Variants in ANKDD1A observed in about 807,000 individuals in gnomAD.
ANKDD1A encodes ankyrin repeat and death domain-containing protein 1A.
ANKDD1A carries 59 observed loss-of-function variants against 63.5 expected under a neutral mutation model. That is an observed-to-expected ratio of 0.93 (90% CI 0.75 to 1.15). ANKDD1A has a LOEUF of 1.15. Among genes scored for constraint, ANKDD1A ranks in the 50% most tolerant of loss-of-function variants. The pLI is 0.00. For synonymous variants in ANKDD1A, 266 were observed against 263.9 expected (o/e 1.01, Z -0.08); for missense variants, 632 against 656.4 (o/e 0.96, Z 0.41).
intron 2 of ANKDD1A, among the ~76,000 whole-genome samples, 198 bp downstream of exon 2, chr15:64,916,098 G>A (rs979492762): frequency 1.3e-5 from 2 of 152,146 alleles, no homozygotes; most frequent in African/African-American, 4.8e-5. Flanking sequence ...CCCACCCAAG[G>A]TCAGGACCAG....
intron 12 of ANKDD1A, among the ~76,000 whole-genome samples, chr15:64,945,882 T>G (rs1215312199): frequency 1.3e-5 from 2 of 151,822 alleles, no homozygotes; most frequent in African/African-American, 4.8e-5. Flanking sequence ...TCTGCCCACC[T>G]CAGCCTCCCA....
chr15:64,921,541 A>AT (rs1223693972), intron 3 of ANKDD1A, among the ~76,000 whole-genome samples: 1 of 151,780 alleles, frequency 6.6e-6, no homozygotes, highest in Non-Finnish European at 1.5e-5. Context: ...CGCTCGGCTA[A>AT]TTTTTCTATT....
intron 14 of ANKDD1A, chr15:64,951,008 C>T (rs1369546146): frequency 1.6e-6 from 2 of 1,271,698 alleles, no homozygotes; most frequent in South Asian, 1.3e-5. Flanking sequence ...AGGTGCACAG[C>T]CATGTAACCG....
intron 10 of ANKDD1A, 146 bp downstream of exon 10, chr15:64,942,711 A>C (rs949734112): frequency 1.4e-5 from 9 of 629,530 alleles, no homozygotes; most frequent in Middle Eastern, 2.6e-4. Flanking sequence ...AAGTAATCTA[A>C]ATAGTTGCTG....
intron 9 of ANKDD1A, among the ~76,000 whole-genome samples, chr15:64,936,663 A>G (rs1221638193): frequency 2.0e-5 from 3 of 151,794 alleles, no homozygotes; most frequent in Admixed American, 6.6e-5. Flanking sequence ...GCATAGTGAG[A>G]CCCCCGTATC....
intron 2 of ANKDD1A, 86 bp from the exon 3 acceptor site, chr15:64,917,300 C>T (rs2084974841): frequency 6.8e-7 from 1 of 1,466,558 alleles, no homozygotes; most frequent in Admixed American, 2.4e-5. Context: ...AGCCTGCAGA[C>T]CAGCTGTCCT....
intron 9 of ANKDD1A, among the ~76,000 whole-genome samples, chr15:64,941,943 G>T (rs1175068354): frequency 6.6e-6 from 1 of 152,090 alleles, no homozygotes; most frequent in Non-Finnish European, 1.5e-5. Context: ...CTGGGGGTGG[G>T]GACGTGGTGG....
At chr15:64,939,067 A>G (rs1220221870) in intron 9 of ANKDD1A, among the ~76,000 whole-genome samples, 1 of 152,198 alleles carries the variant, frequency 6.6e-6, no homozygotes, top group African/African-American at 2.4e-5. Flanking sequence ...TTAGCAGTAG[A>G]GGAAACTGGA....
At chr15:64,930,247 TTAAAG>T (rs994847218) in intron 6 of ANKDD1A, among the ~76,000 whole-genome samples, 4 of 123,460 alleles carry the variant, frequency 3.2e-5, no homozygotes, top group African/African-American at 8.9e-5. Context: ...ATCCCAGAAC[TTAAAG>T]TAAAATTAAA....
intron 7 of ANKDD1A, 126 bp downstream of exon 7, chr15:64,931,046 C>T: frequency 1.0e-6 from 1 of 958,206 alleles, no homozygotes; most frequent in Non-Finnish European, 1.5e-6. Context: ...GAACTGAGAG[C>T]CCACCAGGGA....
intron 9 of ANKDD1A, among the ~76,000 whole-genome samples, chr15:64,934,666 A>ATT (rs557531003): frequency 0.3 from 36,014 of 119,516 alleles, 5,722 homozygotes; most frequent in East Asian, 0.55. Context: ...TGCCCAGCTA[A>ATT]TTTTTTTTTT....
chr15:64,916,602 C>T (rs983846150), intron 2 of ANKDD1A, among the ~76,000 whole-genome samples: 1 of 152,198 alleles, frequency 6.6e-6, no homozygotes, highest in Non-Finnish European at 1.5e-5. Flanking sequence ...GCTGGGATTA[C>T]AGGCATGGGC....
chr15:64,953,950 CTATT>C (rs1566918140), intron 14 of ANKDD1A, among the ~76,000 whole-genome samples: 4 of 53,900 alleles, frequency 7.4e-5, no homozygotes, highest in African/African-American at 1.7e-4. Context: ...TCCTCTTCTT[CTATT>C]GTTTCTTTTT....
intron 3 of ANKDD1A, among the ~76,000 whole-genome samples, chr15:64,917,861 A>G (rs972619813): frequency 6.6e-6 from 1 of 152,258 alleles, no homozygotes; most frequent in African/African-American, 2.4e-5. Flanking sequence ...GATATGCCAC[A>G]GGGCTCTGCC....
chr15:64,954,389 T>C (rs1236947400), intron 14 of ANKDD1A, among the ~76,000 whole-genome samples: 7,877 of 144,806 alleles, frequency 0.054, 246 homozygotes, highest in Non-Finnish European at 0.061. Context: ...CTTTTCTTCT[T>C]CTTTCTTCTT....
At position 64,952,863 on chromosome 15, in the gene ANKDD1A, CTT is replaced by C. The variant is rs1491560711; in HGVS notation, c.1483+2894_1483+2895del. On this transcript the variant is annotated intron_variant, in intron 14 of 14. Transcript: ENST00000319580. ...CTTCTCCTTGTCTCTTCTCCTTCTT[CTT>C]TTCTTCTCTTTCTTCTTCTCCTTCT... Among the ~76,000 whole-genome samples the C allele has an allele frequency of 8.2e-3, 997 of 121,190 alleles. 40 individuals are homozygous for C. The South Asian group carries it at 0.12, about 15-fold the overall frequency. The allele number at this position is 121,190 out of a possible 152,430, so 79.5% of individuals were successfully genotyped here.
At chr15:64,933,883 T>C (rs928789402) in intron 8 of ANKDD1A, among the ~76,000 whole-genome samples, 2 of 152,058 alleles carry the variant, frequency 1.3e-5, no homozygotes, top group Non-Finnish European at 2.9e-5. Context: ...TTACCAGCCA[T>C]AGAATTGGGC....
In ANKDD1A at chr15:64,917,380, G is replaced by T; in HGVS notation, c.139-6G>T. On this transcript the variant is annotated splice_polypyrimidine_tract_variant and splice_region_variant and intron_variant, in intron 2 of 14. Coordinates refer to ENST00000319580, the MANE Select transcript of ANKDD1A (RefSeq NM_182703.6). ...CACCTGACAAGTGTCATCTCCCTCC[G>T]GGCAGGTGGGCAGGGTGGCCCTGCA... The T allele has an allele frequency of 2.5e-6, 4 of 1,601,884 alleles. No individual in the cohort carries two copies. The highest frequency in any genetic ancestry group is 1.1e-5 in the South Asian group (1 of 89,902).
intron 1 of ANKDD1A, among the ~76,000 whole-genome samples, chr15:64,913,851 C>G (rs2084950270): frequency 6.6e-6 from 1 of 152,176 alleles, no homozygotes; most frequent in African/African-American, 2.4e-5. Flanking sequence ...GTCACTTGCC[C>G]TGCAGTGACT....
Sources: allele counts gnomAD v4.1 joint callset (sites outside exome capture counted in the v4.1 genomes callset), GRCh38; gene constraint gnomAD v4.1.1; transcripts MANE v1.5; gene names NCBI Gene and HGNC (gene_info 2026-07-23, HGNC 2026-07-21).